Variants in SEMA6D observed in about 807,000 individuals in gnomAD.
SEMA6D encodes semaphorin 6D, also known as semaphorin-6D.
Under a neutral mutation model 106.6 loss-of-function variants are expected in SEMA6D, and 35 were observed. The ratio of observed to expected loss-of-function variants is 0.33; its 90% CI spans 0.25 to 0.44. The LOEUF is 0.44. Among genes scored for constraint, SEMA6D ranks in the 20% least tolerant of loss-of-function variants. The pLI is 1.00. For missense variants in SEMA6D, 1,185 were observed against 1,345.9 expected, an observed-to-expected ratio of 0.88 and a Z score of 1.87; for synonymous variants, 499 against 487.7, an observed-to-expected ratio of 1.02 and a Z score of -0.31.
At chr15:47,245,901 T>C (rs2033168069) in intron 1 of SEMA6D, among the ~76,000 whole-genome samples, 1 of 152,088 alleles carries the variant, frequency 6.6e-6, no homozygotes, top group African/African-American at 2.4e-5. Flanking sequence ...GTGGAGAGGA[T>C]AAGGACACAG....
chr15:47,661,042 G>A (rs1002579359), intron 4 of SEMA6D, among the ~76,000 whole-genome samples: 3 of 152,168 alleles, frequency 2.0e-5, no homozygotes, highest in Non-Finnish European at 4.4e-5. Flanking sequence ...TCTAAGAAAA[G>A]CAACTAAAGG....
chr15:47,212,913 A>G (rs997851861), intron 1 of SEMA6D, among the ~76,000 whole-genome samples: 4 of 152,196 alleles, frequency 2.6e-5, no homozygotes, highest in Non-Finnish European at 4.4e-5. Flanking sequence ...CAGGTAACAG[A>G]GTGCCTGGCA....
At chr15:47,339,606 A>C (rs2037726837) in intron 1 of SEMA6D, among the ~76,000 whole-genome samples, 1 of 152,128 alleles carries the variant, frequency 6.6e-6, no homozygotes, top group African/African-American at 2.4e-5. Flanking sequence ...CAATGGCTCA[A>C]GCCTGTAATC....
At chr15:47,711,903 A>T (rs1157902343) in intron 4 of SEMA6D, among the ~76,000 whole-genome samples, 1 of 152,162 alleles carries the variant, frequency 6.6e-6, no homozygotes, top group African/African-American at 2.4e-5. Flanking sequence ...CTGTACCTAT[A>T]ATGTAGGGGT....
In SEMA6D at chr15:47,765,912, C is replaced by A; in HGVS notation, c.1471C>A (p.Gln491Lys). The change falls in exon 14 of 19, where the codon CAG becomes AAG. Residue 491 changes from glutamine (Q) to lysine (K), a missense_variant. Transcript: ENST00000536845. ...GGAAGACAAAAAGGTCATCTCATTA[C>A]AGTTGGATAAAGATCACCACGCTTT... is the stretch of plus-strand genomic sequence containing the variant. ...NEEDKKVISL[Q>K]LDKDHHALYV... is the part of the protein sequence containing the mutation. 1 of 1,556,408 alleles carries A rather than the reference C, an allele frequency of 6.4e-7. No homozygotes were observed. Among genetic ancestry groups the A allele is most frequent in the Non-Finnish European group, 8.7e-7 (1 of 1,154,032 alleles).
intron 4 of SEMA6D, among the ~76,000 whole-genome samples, chr15:47,697,438 A>G (rs760105709): frequency 6.6e-6 from 1 of 152,202 alleles, no homozygotes; most frequent in African/African-American, 2.4e-5. Context: ...TTGTTGCCCT[A>G]GTTTACCTCT....
At chr15:47,612,096 A>T (rs1157042562) in intron 4 of SEMA6D, among the ~76,000 whole-genome samples, 1 of 152,138 alleles carries the variant, frequency 6.6e-6, no homozygotes, top group African/African-American at 2.4e-5. Flanking sequence ...GTTGAAGCTG[A>T]TTGGTAGGCA....
At chr15:47,595,351 A>AT (rs1454031334) in intron 3 of SEMA6D, among the ~76,000 whole-genome samples, 2 of 152,038 alleles carry the variant, frequency 1.3e-5, no homozygotes, top group African/African-American at 4.8e-5. Context: ...TTTGTCCTTC[A>AT]TTTTGCTAAT....
intron 1 of SEMA6D, chr15:47,380,386 G>A (rs567024041): frequency 6.6e-6 from 1 of 152,250 alleles, no homozygotes; most frequent in South Asian, 2.1e-4. Flanking sequence ...TAAGGCACTT[G>A]CTAAGCAATG....
intron 1 of SEMA6D, among the ~76,000 whole-genome samples, chr15:47,194,852 A>G (rs368716266): frequency 6.6e-6 from 1 of 152,262 alleles, no homozygotes; most frequent in Non-Finnish European, 1.5e-5. Flanking sequence ...TTTTATCATA[A>G]AAGTATAAAG....
chr15:47,509,287 G>A (rs1326551692), intron 3 of SEMA6D, among the ~76,000 whole-genome samples: 1 of 149,764 alleles, frequency 6.7e-6, no homozygotes, highest in East Asian at 2.2e-4. Flanking sequence ...TGCCCAAACT[G>A]GGACCTTTGT....
chr15:47,622,563 G>A (rs761921634), intron 4 of SEMA6D, among the ~76,000 whole-genome samples: 1 of 152,066 alleles, frequency 6.6e-6, no homozygotes, highest in African/African-American at 2.4e-5. Context: ...TAGGAATTCT[G>A]CAGAAGCCGA....
At chr15:47,572,697 C>T (rs1277671607) in intron 3 of SEMA6D, among the ~76,000 whole-genome samples, 2 of 152,176 alleles carry the variant, frequency 1.3e-5, no homozygotes, top group Non-Finnish European at 2.9e-5. Context: ...TCTTCCAATA[C>T]AAGAAAAATA....
At chr15:47,508,400 G>T (rs559284773) in intron 3 of SEMA6D, among the ~76,000 whole-genome samples, 27 of 152,302 alleles carry the variant, frequency 1.8e-4, no homozygotes, top group African/African-American at 6.0e-4. Flanking sequence ...TGAGGCTGGG[G>T]ATAAGGTCAA....
At chr15:47,537,741 G>A (rs1022930867) in intron 3 of SEMA6D, among the ~76,000 whole-genome samples, 11 of 152,120 alleles carry the variant, frequency 7.2e-5, no homozygotes, top group South Asian at 2.1e-4. Context: ...CTACGGAGGC[G>A]CAAGGAAGGA....
chr15:47,311,860 C>T (rs930834154), intron 1 of SEMA6D, among the ~76,000 whole-genome samples: 6 of 152,150 alleles, frequency 3.9e-5, no homozygotes, highest in African/African-American at 1.4e-4. Context: ...CTAAAAGCCA[C>T]GGGAGGCAGT....
chr15:47,375,383 A>G (rs868309551), intron 1 of SEMA6D, among the ~76,000 whole-genome samples: 1 of 150,836 alleles, frequency 6.6e-6, no homozygotes, highest in Non-Finnish European at 1.5e-5. Context: ...TCCTTCTTTT[A>G]CTCTCCCATT....
intron 1 of SEMA6D, among the ~76,000 whole-genome samples, chr15:47,263,639 C>G (rs556558936): frequency 1.3e-5 from 2 of 152,038 alleles, no homozygotes; most frequent in East Asian, 3.9e-4. Context: ...GATAGTCAAC[C>G]ATTGAGGAAG....
intron 3 of SEMA6D, among the ~76,000 whole-genome samples, chr15:47,510,920 AT>A (rs2044209492): frequency 6.6e-6 from 1 of 152,200 alleles, no homozygotes; most frequent in Admixed American, 6.5e-5. Flanking sequence ...TAAATACTTT[AT>A]TTTTATGACT....
Sources: gnomAD v4.1 joint callset for allele counts (sites outside exome capture counted in the v4.1 genomes callset) on GRCh38, gnomAD v4.1.1 for gene constraint, MANE v1.5 for transcripts, NCBI Gene and HGNC (gene_info 2026-07-23, HGNC 2026-07-21) for gene names.